The following CACNA2D1 variants were observed in gnomAD, a reference collection of about 807,000 sequenced individuals.
CACNA2D1 encodes voltage-dependent calcium channel subunit alpha-2/delta-1.
A neutral mutation model predicts 171.5 loss-of-function variants in CACNA2D1; 53 were observed. The observed-to-expected ratio is 0.31, with a 90% confidence interval of 0.25 to 0.39. The LOEUF is 0.39. Among genes scored for constraint, CACNA2D1 ranks in the 10% least tolerant of loss-of-function variants. CACNA2D1 has a pLI of 1.00. For missense variants in CACNA2D1, 903 were observed against 1,299.8 expected (o/e 0.69, Z 4.69); for synonymous variants, 442 against 443.1 (o/e 1.00, Z 0.03).
chr7:82,109,477 T>G (rs1427393247), intron 6 of CACNA2D1, among the ~76,000 whole-genome samples: 1 of 152,216 alleles, frequency 6.6e-6, no homozygotes, highest in African/African-American at 2.4e-5. Flanking sequence ...TGGCAGCTCA[T>G]GTAAGTCATG....
intron 24 of CACNA2D1, among the ~76,000 whole-genome samples, chr7:81,977,759 G>C (rs940330768): frequency 2.0e-5 from 3 of 152,150 alleles, no homozygotes; most frequent in Admixed American, 2.0e-4. Context: ...TTAAACTAAA[G>C]AGTTTCTGCA....
intron 1 of CACNA2D1, among the ~76,000 whole-genome samples, chr7:82,440,318 T>C (rs1830400171): frequency 1.3e-5 from 2 of 151,802 alleles, no homozygotes; most frequent in African/African-American, 4.8e-5. Context: ...AAGGACAAAT[T>C]TAAATTACCA....
At chr7:82,050,780 T>C (rs1315914425) in intron 10 of CACNA2D1, among the ~76,000 whole-genome samples, 3 of 152,164 alleles carry the variant, frequency 2.0e-5, no homozygotes, top group Non-Finnish European at 2.9e-5. Flanking sequence ...ATGATTACAA[T>C]ATATAAGCAC....
intron 3 of CACNA2D1, among the ~76,000 whole-genome samples, chr7:82,198,801 C>T (rs867603534): frequency 6.6e-6 from 1 of 151,842 alleles, no homozygotes; most frequent in Admixed American, 6.6e-5. Context: ...CCAGTTAAAG[C>T]GAGAGTTTGT....
intron 1 of CACNA2D1, among the ~76,000 whole-genome samples, chr7:82,391,729 G>A (rs1825147834): frequency 6.6e-6 from 1 of 152,138 alleles, no homozygotes; most frequent in Admixed American, 6.6e-5. Flanking sequence ...TTCCTTAAGG[G>A]AGATCTTAAG....
intron 3 of CACNA2D1, among the ~76,000 whole-genome samples, chr7:82,224,310 G>A (rs1053905943): frequency 2.6e-5 from 4 of 152,250 alleles, no homozygotes; most frequent in Non-Finnish European, 4.4e-5. Flanking sequence ...ATATTTGGCC[G>A]GGCGCAGTGG....
intron 12 of CACNA2D1, among the ~76,000 whole-genome samples, chr7:82,023,105 T>C (rs1801443935): frequency 1.3e-5 from 2 of 151,832 alleles, no homozygotes; most frequent in African/African-American, 4.8e-5. Context: ...CAACTCTGTG[T>C]CTGGTTTTAC....
intron 6 of CACNA2D1, among the ~76,000 whole-genome samples, chr7:82,111,444 ATTTTTTT>A (rs869125211): frequency 5.7e-5 from 4 of 69,968 alleles, no homozygotes; most frequent in African/African-American, 2.7e-4. Context: ...ATATATATAT[ATTTTTTT>A]TTTTTTTTTT....
At chr7:81,977,315 G>T (rs1261523602) in intron 24 of CACNA2D1, among the ~76,000 whole-genome samples, 1 of 152,048 alleles carries the variant, frequency 6.6e-6, no homozygotes, top group African/African-American at 2.4e-5. Flanking sequence ...TAATCATGTG[G>T]TTTTTGTCAT....
At chr7:82,060,339 C>G (rs1412798511) in intron 10 of CACNA2D1, 89 bp downstream of exon 10, 1 of 844,432 alleles carries the variant, frequency 1.2e-6, no homozygotes, top group East Asian at 2.7e-5. Flanking sequence ...GTCTCAGCCT[C>G]TATAAGATAA....
chr7:82,385,180 G>T (rs184506668), intron 1 of CACNA2D1, among the ~76,000 whole-genome samples: 11 of 152,170 alleles, frequency 7.2e-5, no homozygotes, highest in Admixed American at 5.9e-4. Context: ...TGCTGTGCTC[G>T]TCTGTCCCTT....
chr7:82,030,418 A>AC (rs397772781), intron 12 of CACNA2D1, among the ~76,000 whole-genome samples: 3 of 151,450 alleles, frequency 2.0e-5, no homozygotes, highest in East Asian at 1.9e-4. Context: ...AAAAAAAAAA[A>AC]CAAAAAACAC....
intron 3 of CACNA2D1, among the ~76,000 whole-genome samples, chr7:82,235,997 G>T (rs1803544272): frequency 6.6e-6 from 1 of 152,048 alleles, no homozygotes; most frequent in South Asian, 2.1e-4. Flanking sequence ...AACTGTGGAA[G>T]AGGTATACAT....
At chr7:81,963,424 G>C (rs1312299302) in intron 34 of CACNA2D1, among the ~76,000 whole-genome samples, 1 of 151,862 alleles carries the variant, frequency 6.6e-6, no homozygotes, top group Non-Finnish European at 1.5e-5. Context: ...AGGAGGTTTA[G>C]TTACAACTAA....
chr7:82,144,591 T>A (rs1226329272), intron 4 of CACNA2D1, among the ~76,000 whole-genome samples: 1 of 151,902 alleles, frequency 6.6e-6, no homozygotes, highest in Non-Finnish European at 1.5e-5. Flanking sequence ...AAAAAAAACA[T>A]CAAAGAAGCC....
chr7:82,377,760 G>T (rs1823189314), intron 1 of CACNA2D1, among the ~76,000 whole-genome samples: 1 of 152,090 alleles, frequency 6.6e-6, no homozygotes, highest in African/African-American at 2.4e-5. Context: ...CTGGTCCAAA[G>T]AATTTGCATA....
chr7:82,277,604 T>C (rs1809518531), intron 3 of CACNA2D1, among the ~76,000 whole-genome samples: 1 of 152,222 alleles, frequency 6.6e-6, no homozygotes, highest in South Asian at 2.1e-4. Context: ...GTTGTGACAA[T>C]GATAGACCTA....
chr7:82,103,737 GAAAACTAA>G (rs1471141536), intron 6 of CACNA2D1, among the ~76,000 whole-genome samples: 4 of 151,994 alleles, frequency 2.6e-5, no homozygotes, highest in African/African-American at 9.7e-5. Flanking sequence ...TCCTTTCTGA[GAAAACTAA>G]AAACAGTATA....
chr7:82,297,949 CAAGTA>C (rs1314607421), intron 3 of CACNA2D1, among the ~76,000 whole-genome samples: 5 of 152,126 alleles, frequency 3.3e-5, no homozygotes, highest in African/African-American at 1.2e-4. Context: ...TAATTAGAAT[CAAGTA>C]GAGTAAAATT....
Sources: gnomAD v4.1 joint callset for allele counts (sites outside exome capture counted in the v4.1 genomes callset) on GRCh38, gnomAD v4.1.1 for gene constraint, MANE v1.5 for transcripts, NCBI Gene and HGNC (gene_info 2026-07-23, HGNC 2026-07-21) for gene names.